The following RBFOX1 variants were observed in gnomAD, a reference collection of about 807,000 sequenced individuals.
The protein encoded by RBFOX1 is RNA binding fox-1 homolog 1.
In RBFOX1, 8 loss-of-function variants were observed where a neutral mutation model predicts 57.7. The ratio of observed to expected loss-of-function variants is 0.14; its 90% CI spans 0.08 to 0.25. The LOEUF (loss-of-function observed/expected upper bound fraction) is 0.25. Ranked by LOEUF, RBFOX1 falls within the 10% of genes least tolerant of loss-of-function variation. RBFOX1 has a pLI of 1.00. For missense variants in RBFOX1, 611 were observed against 548.5 expected (o/e 1.11, Z -1.14); for synonymous variants, 326 against 222.4 (o/e 1.47, Z -4.15).
chr16:6,336,173 ATATATATATTTTTTTTTTTTTTTTTTTT>A (rs1373454178), intron 2 of RBFOX1, among the ~76,000 whole-genome samples: 115 of 34,200 alleles, frequency 3.4e-3, no homozygotes, highest in African/African-American at 8.8e-3. Flanking sequence ...ATATATATAT[ATATATATATTTTTTTTTTTTTTTTTTTT>A]TTTTTTTTTT....
chr16:5,643,898 A>G (rs890148447), intron 3 of RBFOX1, among the ~76,000 whole-genome samples: 2 of 152,206 alleles, frequency 1.3e-5, no homozygotes, highest in African/African-American at 4.8e-5. Context: ...TAACTTAAAA[A>G]TCTTTTCTTT....
intron 3 of RBFOX1, among the ~76,000 whole-genome samples, chr16:6,902,756 G>C (rs1036626509): frequency 1.3e-5 from 2 of 152,110 alleles, no homozygotes; most frequent in Non-Finnish European, 2.9e-5. Context: ...TACACATCAA[G>C]TTTTAAAGGA....
At chr16:7,034,877 C>T (rs1292159018) in intron 3 of RBFOX1, among the ~76,000 whole-genome samples, 1 of 15,724 alleles carries the variant, frequency 6.4e-5, no homozygotes, top group Non-Finnish European at 1.1e-4. Flanking sequence ...GAGATGGAGT[C>T]CTGCTCTGTT....
intron 3 of RBFOX1, among the ~76,000 whole-genome samples, chr16:5,632,956 T>TTTTG (rs2048563852): frequency 1.3e-5 from 2 of 150,502 alleles, no homozygotes; most frequent in Non-Finnish European, 3.0e-5. Flanking sequence ...TTTTTTTTTT[T>TTTTG]GAGGTGGAGT....
At chr16:5,982,932 T>C (rs1183047759) in intron 4 of RBFOX1, among the ~76,000 whole-genome samples, 2 of 152,214 alleles carry the variant, frequency 1.3e-5, no homozygotes, top group Non-Finnish European at 2.9e-5. Context: ...GGTGAGTACA[T>C]GAATACCTGA....
chr16:6,021,862 C>T (rs1362040616), intron 1 of RBFOX1, among the ~76,000 whole-genome samples: 1 of 152,182 alleles, frequency 6.6e-6, no homozygotes, highest in Non-Finnish European at 1.5e-5. Flanking sequence ...TTACTTAAAG[C>T]ACTAAACATT....
intron 3 of RBFOX1, among the ~76,000 whole-genome samples, chr16:6,988,747 GTTTGTTTTTTGTTT>G (rs201767835): frequency 8.9e-5 from 9 of 101,386 alleles, no homozygotes; most frequent in Admixed American, 3.0e-4. Context: ...TTTTTTGTTT[GTTTGTTTTTTGTTT>G]TTTGTTTTTT....
At chr16:6,186,154 A>C (rs55829705) in intron 1 of RBFOX1, among the ~76,000 whole-genome samples, 126 of 152,316 alleles carry the variant, frequency 8.3e-4, no homozygotes, top group Non-Finnish European at 1.3e-3. Flanking sequence ...ACTCAACAAA[A>C]CAATGCCAAA....
Position 6,249,417 on chromosome 16 carries a change from C to T in RBFOX1, c.-126-67578C>T, listed in dbSNP as rs143161233. ...TTGGGTGCCTGTAATCCCAGCTACT[C>T]GGGAGACTGAGGCAGAGAATAGCTT... On this transcript the variant is annotated intron_variant, in intron 1 of 15. Coordinates refer to ENST00000550418, the MANE Select transcript of RBFOX1 (RefSeq NM_018723.4). Among the ~76,000 whole-genome samples, 588 of 152,138 alleles carry T rather than the reference C, an allele frequency of 3.9e-3. 4 individuals are homozygous for T. The highest frequency in any genetic ancestry group is 0.014 in the Middle Eastern group (4 of 294).
intron 4 of RBFOX1, among the ~76,000 whole-genome samples, chr16:7,199,503 A>C (rs1342744839): frequency 2.0e-5 from 3 of 152,156 alleles, no homozygotes; most frequent in Admixed American, 2.0e-4. Flanking sequence ...ACACAGCCAA[A>C]CACCTGTCAT....
At chr16:6,936,804 C>G (rs9931620) in intron 3 of RBFOX1, among the ~76,000 whole-genome samples, 4 of 151,970 alleles carry the variant, frequency 2.6e-5, no homozygotes, top group East Asian at 1.9e-4. Flanking sequence ...AGCCTGTGCC[C>G]AAAACGCTTT....
intron 3 of RBFOX1, among the ~76,000 whole-genome samples, chr16:5,776,625 C>T (rs75556164): frequency 0.036 from 5,548 of 152,280 alleles, 312 homozygotes; most frequent in African/African-American, 0.12. Context: ...CACAGTGAGC[C>T]TTCATCATAA....
chr16:6,849,992 G>C (rs1312426256), intron 3 of RBFOX1, among the ~76,000 whole-genome samples: 1 of 152,186 alleles, frequency 6.6e-6, no homozygotes, highest in Non-Finnish European at 1.5e-5. Context: ...GATTTTGGTA[G>C]ATGAACAAAA....
intron 1 of RBFOX1, among the ~76,000 whole-genome samples, chr16:5,273,663 C>T (rs187206028): frequency 3.4e-4 from 52 of 152,152 alleles, no homozygotes; most frequent in African/African-American, 1.2e-3. Flanking sequence ...TTTGTGAGTT[C>T]GCATGCATAG....
intron 2 of RBFOX1, among the ~76,000 whole-genome samples, chr16:5,547,496 T>C (rs1034832016): frequency 6.6e-6 from 1 of 152,182 alleles, no homozygotes. Context: ...CAGTGAAAGA[T>C]GCCAGATAAA....
chr16:7,510,423 C>T (rs2074716542), intron 4 of RBFOX1: 2 of 813,650 alleles, frequency 2.5e-6, no homozygotes, highest in Non-Finnish European at 3.0e-6. Flanking sequence ...TAGCTTGCTG[C>T]TTGAATCATG....
intron 4 of RBFOX1, among the ~76,000 whole-genome samples, chr16:7,113,539 G>C (rs722315): frequency 0.53 from 81,117 of 151,876 alleles, 22,131 homozygotes; most frequent in South Asian, 0.7. Flanking sequence ...ATTGTAACAG[G>C]AATATATTAT....
At position 5,712,159 on chromosome 16, in the gene RBFOX1, C is replaced by A. The variant is rs111242242; in HGVS notation, c.318+113198C>A. Among the ~76,000 whole-genome samples the A allele has an allele frequency of 8.3e-3, 1,266 of 152,240 alleles. 13 individuals carry two copies. Among genetic ancestry groups the A allele is most frequent in the Middle Eastern group, 0.038 (11 of 292 alleles). ...CTCTCTATCATGAGAGCAGCATAGG[C>A]GAAAACTGCCCCCATGATCCAATCA... On this transcript the variant is annotated intron_variant, in intron 3 of 19. Transcript: ENST00000641259.
At chr16:5,833,419 C>T (rs542714496) in intron 3 of RBFOX1, among the ~76,000 whole-genome samples, 4 of 148,542 alleles carry the variant, frequency 2.7e-5, no homozygotes, top group East Asian at 2.0e-4. Context: ...GGTGTGAACC[C>T]GGGAGGCGGA....
Sources: gnomAD v4.1 joint callset for allele counts (sites outside exome capture counted in the v4.1 genomes callset) on GRCh38, gnomAD v4.1.1 for gene constraint, MANE v1.5 for transcripts, NCBI Gene and HGNC (gene_info 2026-07-23, HGNC 2026-07-21) for gene names.